NDEL1: variants seen among roughly 807,000 people sequenced by gnomAD.
The protein encoded by NDEL1 is nuclear distribution protein nudE-like 1.
Under a neutral mutation model 45.7 loss-of-function variants are expected in NDEL1, and 9 were observed. That is an observed-to-expected ratio of 0.20 (90% confidence interval 0.12 to 0.34). The LOEUF (loss-of-function observed/expected upper bound fraction) is 0.34. NDEL1 is among the 10% of genes least tolerant of loss of function. The pLI is 1.00. For synonymous variants in NDEL1, 133 were observed against 158.6 expected, an observed-to-expected ratio of 0.84 and a Z score of 1.21; for missense variants, 306 against 406.2, an observed-to-expected ratio of 0.75 and a Z score of 2.12.
intron 7 of NDEL1, among the ~76,000 whole-genome samples, chr17:8,456,325 C>T (rs149044173): frequency 3.9e-5 from 6 of 152,190 alleles, no homozygotes; most frequent in African/African-American, 1.4e-4. Flanking sequence ...TTAAAATCCT[C>T]TATGTTGGAG....
At chr17:8,431,075 A>G (rs1355900414), upstream of NDEL1, 2 of 152,334 alleles carry the variant, frequency 1.3e-5, no homozygotes, top group African/African-American at 4.8e-5. Context: ...GGCAGCTTGG[A>G]AGATGATGCC....
chr17:8,432,689 A>C (rs1028763860), upstream of NDEL1, among the ~76,000 whole-genome samples: 2 of 151,934 alleles, frequency 1.3e-5, no homozygotes, highest in South Asian at 4.1e-4. Context: ...TGGCCTAAAG[A>C]TTTTTTAAGA....
At chr17:8,413,641 A>G (rs1289468721) in intron 1 of NDEL1, among the ~76,000 whole-genome samples, 3 of 152,172 alleles carry the variant, frequency 2.0e-5, no homozygotes, top group South Asian at 2.1e-4. Flanking sequence ...AGTCAGTGAG[A>G]TGCACTGAAG....
At chr17:8,436,359 GC>G (rs1334582130) in intron 1 of NDEL1, 2 of 156,420 alleles carry the variant, frequency 1.3e-5, no homozygotes, top group Non-Finnish European at 2.8e-5. Flanking sequence ...GGCACCGTGG[GC>G]TGGGGCGCTG....
At position 8,466,745 on chromosome 17, in the gene NDEL1, C is replaced by T. The variant is rs1389462460; in HGVS notation, c.945-185C>T. ...TGTGGTCCTGGTTCCCCAGGATTCC[C>T]AAAGGCTCAATTCTCTAACCAGCTG... On this transcript the variant is annotated intron_variant, in intron 8 of 8. Coordinates refer to ENST00000334527, the MANE Select transcript of NDEL1 (RefSeq NM_030808.5). 3 of 609,532 alleles carry T rather than the reference C, an allele frequency of 4.9e-6. No homozygotes were observed. The East Asian group carries it at 8.6e-5, about 18-fold the overall frequency. 37.8% of individuals were successfully genotyped at this position (609,532 alleles called of 1,614,324 possible).
intron 1 of NDEL1, among the ~76,000 whole-genome samples, chr17:8,423,861 G>T (rs970047102): frequency 6.6e-6 from 1 of 152,140 alleles, no homozygotes; most frequent in Non-Finnish European, 1.5e-5. Context: ...GGTCACTCTT[G>T]TATCTACTGG....
At chr17:8,416,193 C>T (rs1177689713) in intron 1 of NDEL1, among the ~76,000 whole-genome samples, 2 of 152,092 alleles carry the variant, frequency 1.3e-5, no homozygotes, top group Non-Finnish European at 2.9e-5. Context: ...CCCCATTTTC[C>T]CCTCCCTCCC....
At chr17:8,446,570 G>T (rs1910090929) in intron 3 of NDEL1, among the ~76,000 whole-genome samples, 184 bp from the exon 4 acceptor site, 1 of 152,204 alleles carries the variant, frequency 6.6e-6, no homozygotes, top group African/African-American at 2.4e-5. Context: ...GAGAATGGTT[G>T]ACAAAATTTA....
downstream of NDEL1, among the ~76,000 whole-genome samples, chr17:8,469,127 T>G (rs1911768584): frequency 6.6e-6 from 1 of 152,172 alleles, no homozygotes; most frequent in Admixed American, 6.5e-5. Flanking sequence ...TGTCCTGAGC[T>G]GAGTCTCCAG....
At chr17:8,421,899 A>G (rs1431332529) in intron 1 of NDEL1, among the ~76,000 whole-genome samples, 1 of 152,214 alleles carries the variant, frequency 6.6e-6, no homozygotes, top group Non-Finnish European at 1.5e-5. Context: ...GCTTGGCTAG[A>G]TGTCAGGGTG....
chr17:8,448,447 G>T, intron 4 of NDEL1, 103 bp from the exon 5 acceptor site: 7 of 1,256,074 alleles, frequency 5.6e-6, no homozygotes, highest in Non-Finnish European at 7.7e-6. Context: ...GGCCAGGCTG[G>T]CTAGGTCAGG....
At chr17:8,419,037 G>A (rs937096275) in intron 1 of NDEL1, among the ~76,000 whole-genome samples, 2 of 151,500 alleles carry the variant, frequency 1.3e-5, no homozygotes, top group Non-Finnish European at 2.9e-5. Flanking sequence ...TTGTATAGAC[G>A]CAGTGTCTTG....
At chr17:8,454,193 G>A (rs562348950) in intron 6 of NDEL1, among the ~76,000 whole-genome samples, 34 of 152,230 alleles carry the variant, frequency 2.2e-4, no homozygotes, top group African/African-American at 7.9e-4. Context: ...TGAATGTCAC[G>A]CTGAGAGATA....
At chr17:8,422,748 T>TCC (rs1908734358) in intron 1 of NDEL1, among the ~76,000 whole-genome samples, 1 of 144,596 alleles carries the variant, frequency 6.9e-6, no homozygotes. Flanking sequence ...CTTTTCCTTT[T>TCC]TTTTTTGAGA....
At chr17:8,435,602 G>A (rs1207844793), upstream of NDEL1, among the ~76,000 whole-genome samples, 1 of 152,258 alleles carries the variant, frequency 6.6e-6, no homozygotes, top group Non-Finnish European at 1.5e-5. Flanking sequence ...TTGGTGGCCA[G>A]AAAACTGAAG....
In NDEL1 at chr17:8,461,618, GA is replaced by G. The variant is rs575295708; in HGVS notation, c.944+1459del. 3.6e-3 allele frequency among the ~76,000 whole-genome samples: 550 copies of G among 152,292 alleles called. 2 individuals are homozygous for G. The highest frequency in any genetic ancestry group is 0.027 in the Middle Eastern group (8 of 294). ...TAAAATTGATTTTCCTCAGGCTTAG[GA>G]GTTTCAGGCAGACTTGCGGCAGCCC... On this transcript the variant is annotated intron_variant, in intron 8 of 8. Transcript: ENST00000334527.
intron 1 of NDEL1, among the ~76,000 whole-genome samples, chr17:8,421,788 C>T (rs1008206927): frequency 6.6e-6 from 1 of 152,182 alleles, no homozygotes; most frequent in Non-Finnish European, 1.5e-5. Context: ...TAAGACTATC[C>T]TTAGTCATTA....
chr17:8,455,029 C>T, intron 7 of NDEL1, 142 bp downstream of exon 7: 1 of 758,274 alleles, frequency 1.3e-6, no homozygotes, highest in East Asian at 2.7e-5. Context: ...CATCCATTGA[C>T]TAGCCAAGTC....
chr17:8,420,114 T>TCTA (rs1312439432), intron 1 of NDEL1, among the ~76,000 whole-genome samples: 1 of 152,232 alleles, frequency 6.6e-6, no homozygotes, highest in African/African-American at 2.4e-5. Flanking sequence ...AAGGTTCTCT[T>TCTA]CTACGTCTGA....
Sources: gnomAD v4.1 joint callset for allele counts (sites outside exome capture counted in the v4.1 genomes callset) on GRCh38, gnomAD v4.1.1 for gene constraint, MANE v1.5 for transcripts, NCBI Gene and HGNC (gene_info 2026-07-23, HGNC 2026-07-21) for gene names.